Variants in CDKL5 observed in about 807,000 individuals in gnomAD.
The protein encoded by CDKL5 is cyclin-dependent kinase-like 5.
CDKL5 carries 8 observed loss-of-function variants against 61.7 expected under a neutral mutation model. That is an observed-to-expected ratio of 0.13 (90% CI 0.08 to 0.23). The LOEUF is 0.23. Ranked by LOEUF, CDKL5 falls within the 10% of genes least tolerant of loss-of-function variation. CDKL5 has a pLI of 1.00. For synonymous variants in CDKL5, 275 were observed against 272.3 expected, an observed-to-expected ratio of 1.01 and a Z score of -0.10; for missense variants, 440 against 734.5, an observed-to-expected ratio of 0.60 and a Z score of 4.63.
intron 1 of CDKL5, among the ~76,000 whole-genome samples, chrX:18,443,106 C>T (rs1020119766): frequency 4.5e-5 from 5 of 111,842 alleles, no homozygotes; most frequent in Non-Finnish European, 7.5e-5. Context: ...GGTTTCTTTG[C>T]TCACCATTCT....
intron 4 of CDKL5, among the ~76,000 whole-genome samples, chrX:18,574,596 C>A (rs989877540): frequency 8.9e-6 from 1 of 111,744 alleles, no homozygotes; most frequent in East Asian, 2.8e-4. Context: ...TCCATAACCA[C>A]GGAGATTATC....
chrX:18,549,210 C>G (rs919728816), intron 3 of CDKL5, among the ~76,000 whole-genome samples: 1 of 111,908 alleles, frequency 8.9e-6, no homozygotes, highest in Non-Finnish European at 1.9e-5. Context: ...AGTAGCTATG[C>G]TATTGTTAAC....
chrX:18,504,776 T>C (rs986896954), intron 1 of CDKL5, among the ~76,000 whole-genome samples: 1 of 109,317 alleles, frequency 9.1e-6, no homozygotes, highest in African/African-American at 3.3e-5. Context: ...CTAAAAAAAA[T>C]ACAAAAATTA....
chrX:18,457,689 C>A (rs1436683015), intron 1 of CDKL5, among the ~76,000 whole-genome samples: 1 of 108,862 alleles, frequency 9.2e-6, no homozygotes. Flanking sequence ...GATCTCGGCT[C>A]ACTGCAACCT....
At chrX:18,564,745 T>C (rs977158196) in intron 4 of CDKL5, among the ~76,000 whole-genome samples, 1 of 110,844 alleles carries the variant, frequency 9.0e-6, no homozygotes, top group Non-Finnish European at 1.9e-5. Context: ...AATCTCATGA[T>C]ATTAGAAAAT....
At chrX:18,590,495 C>A (rs1350196147) in intron 9 of CDKL5, among the ~76,000 whole-genome samples, 1 of 112,093 alleles carries the variant, frequency 8.9e-6, no homozygotes, top group Admixed American at 9.5e-5. Context: ...ACTGCTCAAA[C>A]CTGAGTGCCC....
intron 3 of CDKL5, among the ~76,000 whole-genome samples, chrX:18,536,432 GTTTTTTTTTTTT>G (rs746308567): frequency 4.9e-4 from 20 of 40,558 alleles, no homozygotes; most frequent in African/African-American, 1.9e-3. Context: ...TTCAATACAG[GTTTTTTTTTTTT>G]TTTTTTTTTT....
In CDKL5 at chrX:18,608,834, G is replaced by C; in HGVS notation, c.1968G>C (p.Glu656Asp). The change falls in exon 13 of 18, where the codon GAG becomes GAC. Residue 656 changes from glutamate to aspartate, a missense_variant. By Grantham distance (45) the Glu-to-Asp change is conservative. Transcript: ENST00000623535. ...AGCCTGGAGAACAGCTCCCTCCAGA[G>C]ATGACTGTGGCAAGATCTTCGGTCA... ...SPQPGEQLPPEMTVARSSVKE... is the reference protein window; with the variant it reads ...SPQPGEQLPPDMTVARSSVKE... 1 of 1,207,100 alleles carries C rather than the reference G, an allele frequency of 8.3e-7. No homozygotes were observed.
chrX:18,642,281 C>A (rs1284849198), downstream of CDKL5: 3 of 713,968 alleles, frequency 4.2e-6, no homozygotes. Context: ...AAGCAGTTTG[C>A]GGGTGCCCCC....
chrX:18,585,701 A>G (rs762389630), intron 8 of CDKL5, among the ~76,000 whole-genome samples: 18 of 111,720 alleles, frequency 1.6e-4, no homozygotes, highest in Non-Finnish European at 9.4e-5. Context: ...CCCTAGTTGT[A>G]GGATTATTTT....
intron 3 of CDKL5, among the ~76,000 whole-genome samples, chrX:18,527,147 A>T (rs1271638270): frequency 2.7e-5 from 3 of 111,372 alleles, no homozygotes; most frequent in Non-Finnish European, 5.7e-5. Flanking sequence ...GATTCCCTTA[A>T]TATTTGTTGT....
intron 1 of CDKL5, 128 bp downstream of exon 1, chrX:18,425,823 G>A (rs1931348752): frequency 8.9e-6 from 1 of 112,756 alleles, no homozygotes; most frequent in East Asian, 2.9e-4. Flanking sequence ...AGGGGCGGGG[G>A]CGCCGGTTCC....
At chrX:18,652,858 T>A (rs1227776462) in intron 21 of CDKL5, among the ~76,000 whole-genome samples, 1 of 112,638 alleles carries the variant, frequency 8.9e-6, no homozygotes, top group African/African-American at 3.2e-5. Flanking sequence ...ATGAGATAGA[T>A]AAAGGCATAT....
At chrX:18,584,678 C>T (rs1026786662) in intron 8 of CDKL5, among the ~76,000 whole-genome samples, 2 of 111,375 alleles carry the variant, frequency 1.8e-5, no homozygotes, top group African/African-American at 6.5e-5. Context: ...TGGATCAGAC[C>T]ATCTCTGATC....
intron 2 of CDKL5, among the ~76,000 whole-genome samples, chrX:18,510,379 T>C (rs1470564172): frequency 8.9e-6 from 1 of 112,240 alleles, no homozygotes; most frequent in Non-Finnish European, 1.9e-5. Context: ...GGTCCTGAAC[T>C]CCTGACCTCA....
chrX:18,593,209 A>G (rs1326975379), intron 9 of CDKL5, among the ~76,000 whole-genome samples: 2 of 112,298 alleles, frequency 1.8e-5, no homozygotes, highest in Non-Finnish European at 3.8e-5. Context: ...ACTGATTGAG[A>G]TATACTTTAA....
chrX:18,653,299 A>G (rs1013678456), intron 21 of CDKL5: 4 of 1,126,315 alleles, frequency 3.6e-6, no homozygotes, highest in Non-Finnish European at 4.7e-6. Context: ...TTTTAATAGC[A>G]TTAAAGTGAA....
chrX:18,468,222 G>C (rs1474433947), intron 1 of CDKL5, among the ~76,000 whole-genome samples: 3 of 112,096 alleles, frequency 2.7e-5, no homozygotes, highest in Non-Finnish European at 3.8e-5. Context: ...ACTGATTTAA[G>C]TTAAAATTTG....
chrX:18,474,863 A>G (rs2147067182), intron 1 of CDKL5, among the ~76,000 whole-genome samples: 1 of 112,416 alleles, frequency 8.9e-6, no homozygotes, highest in South Asian at 3.7e-4. Flanking sequence ...ACTTTTAAAA[A>G]GTTAAATAGT....
Sources: allele counts gnomAD v4.1 joint callset (sites outside exome capture counted in the v4.1 genomes callset), GRCh38; gene constraint gnomAD v4.1.1; transcripts MANE v1.5; gene names NCBI Gene and HGNC (gene_info 2026-07-23, HGNC 2026-07-21).